ADGRV1: variants seen among roughly 807,000 people sequenced by gnomAD.
ADGRV1 encodes G-protein coupled receptor 98.
A neutral mutation model predicts 596.2 loss-of-function variants in ADGRV1; 359 were observed. The ratio of observed to expected loss-of-function variants is 0.60; its 90% confidence interval spans 0.55 to 0.66. ADGRV1 has a LOEUF of 0.66. Among genes scored for constraint, ADGRV1 ranks in the 30% least tolerant of loss-of-function variants. The pLI is 0.00. For missense variants in ADGRV1, 7,274 were observed against 7,575.6 expected, an observed-to-expected ratio of 0.96 and a Z score of 1.48; for synonymous variants, 2,681 against 2,679.2, an observed-to-expected ratio of 1.00 and a Z score of -0.02.
chr5:90,788,138 A>G lies in ADGRV1; in HGVS notation c.13721A>G (p.Asp4574Gly), dbSNP rs768132675. 58 of 1,613,598 alleles carry G rather than the reference A, an allele frequency of 3.6e-5. No individual in the cohort carries two copies. In the South Asian group the frequency reaches 5.6e-4, roughly 16 times the overall value. ...CTGCCACAGAATAGAGACATTGCAGACCCAGTGAGCGGGTTGTTCTATTTT... is the reference window on the plus strand; with the variant it reads ...CTGCCACAGAATAGAGACATTGCAGGCCCAGTGAGCGGGTTGTTCTATTTT... ...ALLPQNRDIA[D>G]PVSGLFYFGE... is the part of the protein sequence containing the mutation. The change falls in exon 68 of 90, where the codon GAC becomes GGC. Residue 4574 changes from aspartate to glycine, a missense_variant. Transcript: ENST00000405460.
chr5:90,559,026 G>A, intron 1 of ADGRV1, 109 bp downstream of exon 1: 2 of 1,015,420 alleles, frequency 2.0e-6, no homozygotes, highest in Non-Finnish European at 2.7e-6. Flanking sequence ...CGCGGAGGGC[G>A]GGCCACAGCC....
chr5:90,857,947 A>G (rs796744943), intron 82 of ADGRV1, among the ~76,000 whole-genome samples: 21 of 152,234 alleles, frequency 1.4e-4, no homozygotes, highest in African/African-American at 5.1e-4. Context: ...TTTTAAAAAA[A>G]CAGAGTAGAT....
chr5:90,963,850 C>T (rs752472309), intron 83 of ADGRV1, among the ~76,000 whole-genome samples: 39 of 149,764 alleles, frequency 2.6e-4, no homozygotes, highest in Non-Finnish European at 4.3e-4. Context: ...AGAGTCACTT[C>T]GGCATAAGAG....
Position 90,617,835 on chromosome 5 carries a change from A to G in ADGRV1, c.239A>G (p.Asp80Gly), listed in dbSNP as rs768375570. 6.3e-7 allele frequency: 1 copy of G among 1,599,048 alleles called. No homozygotes were observed. The highest frequency in any genetic ancestry group is 1.1e-5 in the South Asian group (1 of 88,212). ...LYGEDAGDFF[D>G]TYAAAFIPAG... ...GGAGAGGACGCTGGTGACTTTTTTG[A>G]CACATATGCTGCAGCTTTTATACCT... Residue 80 changes from aspartate (D) to glycine (G), a missense_variant, in exon 3 of 90, where the codon GAC becomes GGC. Physicochemically the swap from Asp to Gly is moderately conservative, Grantham distance 94. Coordinates refer to ENST00000405460, the MANE Select transcript of ADGRV1 (RefSeq NM_032119.4).
chr5:90,704,510 A>AT (rs757770019), intron 36 of ADGRV1, 22 bp downstream of exon 36: 19 of 1,428,914 alleles, frequency 1.3e-5, no homozygotes, highest in Admixed American at 4.1e-5. Flanking sequence ...TTTAATTTTA[A>AT]TTTTTTTTGG....
chr5:90,639,136 G>A lies in ADGRV1; in HGVS notation c.2240+1188G>A, dbSNP rs529357890. ...CACACACAGAGTCTAGATGACTTAT[G>A]GTTTTAATATATGTTTCAGACTCGA... On this transcript the variant is annotated intron_variant, in intron 11 of 89. Coordinates refer to ENST00000405460, the MANE Select transcript of ADGRV1 (RefSeq NM_032119.4). 4.0e-5 allele frequency among the ~76,000 whole-genome samples: 6 copies of A among 151,284 alleles called. No individual in the cohort carries two copies. The South Asian group carries it at 1.3e-3, about 32-fold the overall frequency.
At chr5:91,132,990 A>G (rs902830330) in intron 87 of ADGRV1, among the ~76,000 whole-genome samples, 60 of 152,170 alleles carry the variant, frequency 3.9e-4, no homozygotes, top group African/African-American at 1.4e-3. Context: ...AAAGTGTTAT[A>G]GGTAGTGAAG....
chr5:90,949,432 G>C (rs551855852), intron 83 of ADGRV1, among the ~76,000 whole-genome samples: 6 of 152,248 alleles, frequency 3.9e-5, no homozygotes, highest in African/African-American at 1.4e-4. Flanking sequence ...CAACTTTTCT[G>C]TTATGACCTT....
At chr5:91,083,766 C>A (rs1463408447) in intron 86 of ADGRV1, among the ~76,000 whole-genome samples, 2 of 152,020 alleles carry the variant, frequency 1.3e-5, no homozygotes, top group Non-Finnish European at 2.9e-5. Context: ...GCCACTATGT[C>A]CCTGCTTAAT....
At chr5:90,698,382 CTGAATT>C (rs1747475649) in intron 34 of ADGRV1, among the ~76,000 whole-genome samples, 1 of 152,078 alleles carries the variant, frequency 6.6e-6, no homozygotes, top group African/African-American at 2.4e-5. Flanking sequence ...TACAAGGAAA[CTGAATT>C]TGAGAGAGAC....
At chr5:90,953,541 GT>G (rs776878310) in intron 83 of ADGRV1, among the ~76,000 whole-genome samples, 2 of 152,046 alleles carry the variant, frequency 1.3e-5, no homozygotes, top group East Asian at 1.9e-4. Context: ...CAGTTTGCGA[GT>G]TTTTTGTTTT....
chr5:90,703,713 A>C lies in ADGRV1; in HGVS notation c.8204A>C (p.Asn2735Thr), dbSNP rs200604083. ...HVIRTFPGRG[N>T]VTVNWKIIGQ... ...ATAAGAACTTTCCCTGGTCGAGGAAATGTTACTGTTAACTGGAAAATTATT... is the reference window on the plus strand; with the variant it reads ...ATAAGAACTTTCCCTGGTCGAGGAACTGTTACTGTTAACTGGAAAATTATT... The change falls in exon 35 of 90, where the codon AAT (asparagine) becomes ACT (threonine). Residue 2735 changes from asparagine (N) to threonine (T), a missense_variant. By Grantham distance (65) the Asn-to-Thr change is moderately conservative. This residue lies in a region of ADGRV1 where 3,643 missense variants were observed against 3,809.2 expected (regional missense o/e 0.96). Coordinates refer to ENST00000405460, the MANE Select transcript of ADGRV1 (RefSeq NM_032119.4). 3 of 1,605,840 alleles carry C rather than the reference A, an allele frequency of 1.9e-6. No individual in the cohort carries two copies. The highest frequency in any genetic ancestry group is 2.6e-6 in the Non-Finnish European group (3 of 1,175,312).
intron 1 of ADGRV1, among the ~76,000 whole-genome samples, chr5:90,595,884 G>A (rs1003585485): frequency 2.0e-5 from 3 of 150,486 alleles, no homozygotes; most frequent in Non-Finnish European, 4.4e-5. Context: ...GCCTGGCGGG[G>A]GGCTGACCCC....
chr5:91,064,513 T>C (rs1787716722), intron 85 of ADGRV1, among the ~76,000 whole-genome samples: 1 of 152,210 alleles, frequency 6.6e-6, no homozygotes, highest in Admixed American at 6.5e-5. Flanking sequence ...ACTTAATTAG[T>C]CTTAATTATC....
chr5:90,927,618 T>G (rs1255750348), intron 83 of ADGRV1, among the ~76,000 whole-genome samples: 1 of 152,196 alleles, frequency 6.6e-6, no homozygotes, highest in South Asian at 2.1e-4. Flanking sequence ...AATTGGAGCA[T>G]TTAGTCCATT....
intron 83 of ADGRV1, among the ~76,000 whole-genome samples, chr5:90,939,535 G>T (rs1394432830): frequency 5.3e-5 from 8 of 152,108 alleles, no homozygotes; most frequent in Admixed American, 5.2e-4. Context: ...GATATTTGTG[G>T]ATTAATGTTA....
At chr5:90,570,920 G>A (rs1756444959) in intron 1 of ADGRV1, among the ~76,000 whole-genome samples, 1 of 151,900 alleles carries the variant, frequency 6.6e-6, no homozygotes, top group Non-Finnish European at 1.5e-5. Context: ...CTAACATCTG[G>A]TATGTTCTCC....
At chr5:90,705,292 T>A in intron 36 of ADGRV1, 108 bp from the exon 37 acceptor site, 1 of 871,554 alleles carries the variant, frequency 1.1e-6, no homozygotes, top group Admixed American at 2.3e-5. Context: ...GTTAGAGAAG[T>A]AAATAGAACA....
intron 11 of ADGRV1, among the ~76,000 whole-genome samples, chr5:90,639,951 A>G (rs897845282): frequency 2.6e-5 from 4 of 152,186 alleles, no homozygotes; most frequent in African/African-American, 9.7e-5. Flanking sequence ...TGTCAAATCC[A>G]AGTTCAAATT....
Sources: gnomAD v4.1 joint callset for allele counts (sites outside exome capture counted in the v4.1 genomes callset) on GRCh38, gnomAD v4.1.1 for gene constraint, gnomAD v4.1.1 regional missense constraint, MANE v1.5 for transcripts, NCBI Gene and HGNC (gene_info 2026-07-23, HGNC 2026-07-21) for gene names.